Variants in DPH6 observed in about 807,000 individuals in gnomAD.
DPH6 encodes the protein diphthine--ammonia ligase.
Under a neutral mutation model 38.2 loss-of-function variants are expected in DPH6, and 33 were observed. The observed-to-expected ratio is 0.86, with a 90% CI of 0.65 to 1.15. The LOEUF (loss-of-function observed/expected upper bound fraction) is 1.15, where lower values mean the gene tolerates loss of function less well. Among genes scored for constraint, DPH6 ranks in the 50% most tolerant of loss-of-function variants. DPH6 has a pLI of 0.00. For synonymous variants in DPH6, 108 were observed against 103.0 expected (o/e 1.05, Z -0.30); for missense variants, 325 against 320.0 (o/e 1.02, Z -0.12).
intron 3 of DPH6, among the ~76,000 whole-genome samples, chr15:35,333,950 A>G (rs539074720): frequency 7.9e-5 from 12 of 152,306 alleles, no homozygotes; most frequent in Non-Finnish European, 1.8e-4. Context: ...AGCCATAAAG[A>G]AGAACAAGAT....
At chr15:35,199,049 A>G in the DPH6 span, among the ~76,000 whole-genome samples, 14 of 151,944 alleles carry the variant, frequency 9.2e-5, no homozygotes, top group African/African-American at 3.4e-4. Flanking sequence ...CCTCCCGAGT[A>G]GCTGGGACTA....
intron 3 of DPH6, among the ~76,000 whole-genome samples, chr15:35,525,238 A>G (rs2054981435): frequency 2.6e-5 from 4 of 152,208 alleles, no homozygotes; most frequent in Admixed American, 2.6e-4. Context: ...CCTTGATTAC[A>G]TCCCTATTCT....
intron 3 of DPH6, among the ~76,000 whole-genome samples, chr15:35,468,000 G>A (rs2141119546): frequency 6.6e-6 from 1 of 152,254 alleles, no homozygotes; most frequent in South Asian, 2.1e-4. Flanking sequence ...CCAAAACATT[G>A]TTAAGTGGCA....
At chr15:35,238,971 G>A (rs922176071) in intron 3 of DPH6, among the ~76,000 whole-genome samples, 5 of 145,198 alleles carry the variant, frequency 3.4e-5, no homozygotes, top group East Asian at 2.1e-4. Context: ...CTCTCTTTTC[G>A]GACTCAGCCC....
At chr15:35,316,214 A>G (rs2052187249) in intron 3 of DPH6, among the ~76,000 whole-genome samples, 1 of 152,192 alleles carries the variant, frequency 6.6e-6, no homozygotes, top group Admixed American at 6.5e-5. Flanking sequence ...TAGAATCTTA[A>G]AAAAAGTTAA....
At chr15:35,206,465 C>T in the DPH6 span, among the ~76,000 whole-genome samples, 1 of 152,184 alleles carries the variant, frequency 6.6e-6, no homozygotes, top group Non-Finnish European at 1.5e-5. Flanking sequence ...CTCTCTGCCT[C>T]CTACAGGACA....
chr15:35,371,069 T>C lies in DPH6; in HGVS notation c.*1081A>G, dbSNP rs1247320213. 6.6e-6 allele frequency: 1 copy of C among 151,514 alleles called. No homozygotes were observed. Among genetic ancestry groups the C allele is most frequent in the Non-Finnish European group, 1.5e-5 (1 of 67,688 alleles). 9.4% of individuals were successfully genotyped at this position (151,514 alleles called of 1,614,324 possible). ...AGAAACCTAAATGCATATTAATACA[T>C]GAAAGAAGCCAATCTGAAAAGCTAT... On this transcript the variant is annotated 3_prime_UTR_variant, in exon 9 of 9. Transcript: ENST00000256538.
intron 6 of DPH6, among the ~76,000 whole-genome samples, chr15:35,382,158 A>AGGTGGCCG (rs1217912897): frequency 2.0e-5 from 3 of 152,230 alleles, no homozygotes; most frequent in African/African-American, 7.2e-5. Flanking sequence ...TTAAGAGGCC[A>AGGTGGCCG]GGCGCGTTGG....
the DPH6 span, among the ~76,000 whole-genome samples, chr15:35,198,187 T>C: frequency 3.9e-5 from 4 of 103,640 alleles, no homozygotes; most frequent in African/African-American, 9.9e-5. Flanking sequence ...TTTTATATTT[T>C]ATTCATTTTT....
At chr15:35,167,388 A>G in the DPH6 span, among the ~76,000 whole-genome samples, 3 of 151,952 alleles carry the variant, frequency 2.0e-5, no homozygotes, top group African/African-American at 7.2e-5. Flanking sequence ...TGAGGCTTTG[A>G]AGAGATTATC....
chr15:35,389,186 T>C (rs1244425052), intron 6 of DPH6, among the ~76,000 whole-genome samples: 4 of 152,228 alleles, frequency 2.6e-5, no homozygotes, highest in Non-Finnish European at 5.9e-5. Context: ...TCTAGTTTGA[T>C]TGCACTGTGG....
At chr15:35,245,172 T>G (rs1382593072) in intron 3 of DPH6, among the ~76,000 whole-genome samples, 1 of 151,424 alleles carries the variant, frequency 6.6e-6, no homozygotes, top group African/African-American at 2.4e-5. Context: ...GAAACAATTC[T>G]CTAATACGTA....
intron 5 of DPH6, among the ~76,000 whole-genome samples, chr15:35,448,547 G>C (rs1193149886): frequency 6.6e-6 from 1 of 152,110 alleles, no homozygotes; most frequent in African/African-American, 2.4e-5. Flanking sequence ...CTGAAAAAAA[G>C]GATGTTCTAG....
At chr15:35,340,080 G>A (rs1453267505) in intron 3 of DPH6, among the ~76,000 whole-genome samples, 1 of 152,192 alleles carries the variant, frequency 6.6e-6, no homozygotes, top group African/African-American at 2.4e-5. Flanking sequence ...GTGCATATAT[G>A]TTTAGCACAG....
intron 3 of DPH6, among the ~76,000 whole-genome samples, chr15:35,343,084 A>C (rs535200117): frequency 4.9e-4 from 75 of 152,204 alleles, no homozygotes; most frequent in Non-Finnish European, 9.0e-4. Context: ...TACCTAGAAT[A>C]CCATTGTCAC....
chr15:35,539,110 T>C (rs1159852532), intron 2 of DPH6, among the ~76,000 whole-genome samples: 1 of 151,968 alleles, frequency 6.6e-6, no homozygotes, highest in South Asian at 2.1e-4. Context: ...CAAATATCAA[T>C]ATGGGTAAAA....
intron 3 of DPH6, among the ~76,000 whole-genome samples, chr15:35,239,286 T>C (rs1471713967): frequency 7.0e-6 from 1 of 143,440 alleles, no homozygotes; most frequent in Non-Finnish European, 1.5e-5. Context: ...ATCTTGGCGC[T>C]ACACTTCAAT....
intron 3 of DPH6, among the ~76,000 whole-genome samples, chr15:35,508,391 T>C (rs1192951730): frequency 7.9e-5 from 12 of 152,096 alleles, no homozygotes; most frequent in Non-Finnish European, 1.6e-4. Flanking sequence ...TTCTTATATA[T>C]CCAAAAGGCT....
intron 5 of DPH6, among the ~76,000 whole-genome samples, chr15:35,420,268 T>C (rs2059477090): frequency 6.6e-6 from 1 of 151,942 alleles, no homozygotes; most frequent in African/African-American, 2.4e-5. Context: ...GCGAACACAA[T>C]ATCCCAAAAT....
Sources: allele counts gnomAD v4.1 joint callset (sites outside exome capture counted in the v4.1 genomes callset), GRCh38; gene constraint gnomAD v4.1.1; transcripts MANE v1.5; gene names NCBI Gene and HGNC (gene_info 2026-07-23, HGNC 2026-07-21).